Variants in PFKFB3 observed in about 807,000 individuals in gnomAD.
PFKFB3 encodes 6-phosphofructo-2-kinase/fructose-2,6-biphosphatase 3.
In PFKFB3, 33 loss-of-function variants were observed where a neutral mutation model predicts 68.0. The observed-to-expected ratio is 0.49, with a 90% CI of 0.37 to 0.65. PFKFB3 has a LOEUF of 0.65. Among genes scored for constraint, PFKFB3 ranks in the 30% least tolerant of loss-of-function variants. The pLI, the probability that PFKFB3 is intolerant of heterozygous loss-of-function variation, is 0.00. For missense variants in PFKFB3, 586 were observed against 712.2 expected (o/e 0.82, Z 2.02); for synonymous variants, 315 against 288.2 (o/e 1.09, Z -0.94).
At chr10:6,187,460 G>A (rs1033885740) in intron 1 of PFKFB3, among the ~76,000 whole-genome samples, 1 of 152,164 alleles carries the variant, frequency 6.6e-6, no homozygotes, top group Admixed American at 6.6e-5. Flanking sequence ...GGTGCAGTGT[G>A]GTTTATATTA....
chr10:6,307,777 G>T, the PFKFB3 span, among the ~76,000 whole-genome samples: 2 of 152,114 alleles, frequency 1.3e-5, no homozygotes, highest in African/African-American at 4.8e-5. Context: ...GGGTTTGAAT[G>T]GGTCACCCAA....
chr10:6,272,336 C>T, the PFKFB3 span, among the ~76,000 whole-genome samples: 19 of 152,154 alleles, frequency 1.2e-4, no homozygotes, highest in African/African-American at 3.4e-4. Context: ...ATTAGGACAT[C>T]GGGGTTTCTT....
rs1246182208 is a variant in PFKFB3, at chr10:6,219,612, C to G, written c.542C>G (p.Ala181Gly). 1 of 1,613,848 alleles carries G rather than the reference C, an allele frequency of 6.2e-7. No individual in the cohort carries two copies. The highest frequency in any genetic ancestry group is 1.1e-5 in the South Asian group (1 of 91,074). Residue 181 changes from alanine (A) to glycine (G), a missense_variant, in exon 7 of 15, where the codon GCA (alanine) becomes GGA (glycine). Transcript: ENST00000379775. ...CCGGATTACAAAGACTGCAACTCGG[C>G]AGAAGCCATGGACGACTTCATGAAG... ...SSPDYKDCNS[A>G]EAMDDFMKRI...
chr10:6,266,846 A>G, the PFKFB3 span, among the ~76,000 whole-genome samples: 37 of 152,252 alleles, frequency 2.4e-4, no homozygotes, highest in Non-Finnish European at 5.0e-4. Context: ...GGGGCCCCGC[A>G]TGATGGCCTT....
chr10:6,192,238 G>A (rs1177280526), intron 1 of PFKFB3, among the ~76,000 whole-genome samples: 1 of 151,092 alleles, frequency 6.6e-6, no homozygotes, highest in South Asian at 2.1e-4. Context: ...CAACACTGGC[G>A]ATGACAGACC....
the PFKFB3 span, among the ~76,000 whole-genome samples, chr10:6,276,374 C>T: frequency 6.7e-6 from 1 of 149,792 alleles, no homozygotes; most frequent in Non-Finnish European, 1.5e-5. Flanking sequence ...GGATCTATTT[C>T]ATAAAAGGGC....
At chr10:6,270,536 C>A in the PFKFB3 span, among the ~76,000 whole-genome samples, 1 of 152,186 alleles carries the variant, frequency 6.6e-6, no homozygotes, top group African/African-American at 2.4e-5. Context: ...GCCTACACTC[C>A]TCGGCCACAG....
At position 6,216,792 on chromosome 10, in the gene PFKFB3, G is replaced by A. The variant is rs376981024; in HGVS notation, c.441+12G>A. 1.3e-4 allele frequency: 207 copies of A among 1,600,808 alleles called. 2 individuals carry two copies. The highest frequency in any genetic ancestry group is 3.0e-4 in the Admixed American group (18 of 60,008). ...AAAATGACTTTAAGGTGAGCTGAGC[G>A]TCTTGTGTTGTGCTAGAGGGCTCGG... On this transcript the variant is annotated intron_variant, in intron 5 of 14. Transcript: ENST00000379775.
At chr10:6,174,655 C>T (rs898167079) in intron 1 of PFKFB3, among the ~76,000 whole-genome samples, 1 of 152,170 alleles carries the variant, frequency 6.6e-6, no homozygotes, top group African/African-American at 2.4e-5. Flanking sequence ...AGGGTTGGGA[C>T]CAGTGTGCGG....
the PFKFB3 span, among the ~76,000 whole-genome samples, chr10:6,275,369 C>G: frequency 1.3e-5 from 2 of 152,208 alleles, no homozygotes; most frequent in East Asian, 1.9e-4. The surrounding 1 kb of genome is among the most constrained non-coding windows in gnomAD (Gnocchi z 4.9). Flanking sequence ...GAGCCACCCT[C>G]GGGGCCTGCG....
chr10:6,223,818 T>C (rs1845133361), intron 11 of PFKFB3, 140 bp from the exon 12 acceptor site: 3 of 727,516 alleles, frequency 4.1e-6, no homozygotes, highest in African/African-American at 3.5e-5. Flanking sequence ...GGTTTTGCCA[T>C]GTTGGTCAGG....
downstream of PFKFB3, among the ~76,000 whole-genome samples, chr10:6,255,139 CTT>C (rs113753232): frequency 8.0e-6 from 1 of 125,090 alleles, no homozygotes; most frequent in Admixed American, 8.3e-5. Flanking sequence ...TTTTCTTCTT[CTT>C]TTTTTTTTTG....
chr10:6,183,802 C>T (rs2131799330), intron 1 of PFKFB3, among the ~76,000 whole-genome samples: 1 of 150,798 alleles, frequency 6.6e-6, no homozygotes, highest in South Asian at 2.1e-4. Flanking sequence ...ATTCTCCTGC[C>T]TCAGCCTCCC....
chr10:6,157,230 C>CTTTTT (rs1409377715), intron 1 of PFKFB3, among the ~76,000 whole-genome samples: 1 of 123,600 alleles, frequency 8.1e-6, no homozygotes. Context: ...ATAGTTGTGT[C>CTTTTT]TTCTTTTTTT....
chr10:6,319,690 A>G, the PFKFB3 span, among the ~76,000 whole-genome samples: 1 of 152,072 alleles, frequency 6.6e-6, no homozygotes, highest in Non-Finnish European at 1.5e-5. Flanking sequence ...ATTGTAAAAA[A>G]AAAAATCCCC....
chr10:6,202,529 T>G (rs1393911757), upstream of PFKFB3: 1 of 152,574 alleles, frequency 6.6e-6, no homozygotes, highest in Non-Finnish European at 1.5e-5. Flanking sequence ...AGGATGCACT[T>G]TAAGCAGCTT....
chr10:6,194,959 G>A (rs185350854), intron 1 of PFKFB3, among the ~76,000 whole-genome samples: 19 of 150,584 alleles, frequency 1.3e-4, no homozygotes, highest in Admixed American at 7.3e-4. Flanking sequence ...TGCAACCTCC[G>A]CCTCCCAGGT....
chr10:6,215,993 G>T lies in PFKFB3; in HGVS notation c.300-132G>T. On this transcript the variant is annotated intron_variant, in intron 3 of 14. Transcript: ENST00000379775. This position sits in a 1 kb window ranked among gnomAD's most constrained non-coding sequence, Gnocchi z 4.3. ...CTCTGGGCCTGAGGGGTGCTGGCCA[G>T]CCTGCCCAGCGCTAAGCAGTGTAGA... 1 of 884,418 alleles carries T rather than the reference G, an allele frequency of 1.1e-6. No individual in the cohort carries two copies. The allele number at this position is 884,418 out of a possible 1,614,324, so 54.8% of individuals were successfully genotyped here.
chr10:6,301,351 C>T, the PFKFB3 span, among the ~76,000 whole-genome samples: 3 of 152,108 alleles, frequency 2.0e-5, no homozygotes, highest in Non-Finnish European at 2.9e-5. Context: ...TCAGGGACTT[C>T]ATAAAGGTGC....
Sources: allele counts gnomAD v4.1 joint callset (sites outside exome capture counted in the v4.1 genomes callset), GRCh38; gene constraint gnomAD v4.1.1; non-coding constraint Gnocchi (gnomAD v3.1); transcripts MANE v1.5; gene names NCBI Gene and HGNC (gene_info 2026-07-23, HGNC 2026-07-21).